The following VEPH1 variants were observed in gnomAD, a reference collection of about 807,000 sequenced individuals.
VEPH1 encodes ventricular zone expressed PH domain containing 1, also known as ventricular zone-expressed PH domain-containing protein homolog 1.
Under a neutral mutation model 85.2 loss-of-function variants are expected in VEPH1, and 80 were observed. The ratio of observed to expected loss-of-function variants is 0.94; its 90% CI spans 0.78 to 1.13. VEPH1 has a LOEUF of 1.13. Among genes scored for constraint, VEPH1 ranks in the 50% most tolerant of loss-of-function variants. The pLI is 0.00. For missense variants in VEPH1, 955 were observed against 980.5 expected (o/e 0.97, Z 0.35); for synonymous variants, 297 against 348.0 (o/e 0.85, Z 1.63).
intron 2 of VEPH1, among the ~76,000 whole-genome samples, chr3:157,483,795 A>G (rs1021677779): frequency 3.3e-5 from 5 of 152,180 alleles, no homozygotes; most frequent in Non-Finnish European, 7.4e-5. Context: ...CTTTTTTTGT[A>G]CTATTATGTT....
At chr3:157,487,706 T>C (rs1738779403) in intron 2 of VEPH1, among the ~76,000 whole-genome samples, 1 of 152,116 alleles carries the variant, frequency 6.6e-6, no homozygotes, top group Non-Finnish European at 1.5e-5. Context: ...TGCATTAAAA[T>C]AAACAACAAA....
chr3:157,298,608 TAAAG>T (rs958397858), intron 11 of VEPH1, among the ~76,000 whole-genome samples: 5 of 152,000 alleles, frequency 3.3e-5, no homozygotes, highest in Non-Finnish European at 7.4e-5. Flanking sequence ...TGAAAGACCA[TAAAG>T]AAAGGAGATT....
chr3:157,290,014 A>C (rs1323399767), intron 11 of VEPH1, among the ~76,000 whole-genome samples: 6 of 150,108 alleles, frequency 4.0e-5, no homozygotes, highest in African/African-American at 1.2e-4. Context: ...TAGGATATCA[A>C]TTCCGTTGTT....
intron 3 of VEPH1, among the ~76,000 whole-genome samples, chr3:157,467,296 G>A (rs974210944): frequency 6.6e-6 from 1 of 152,054 alleles, no homozygotes; most frequent in Non-Finnish European, 1.5e-5. Flanking sequence ...GATGGGATGG[G>A]TGGAGAGGCA....
intron 6 of VEPH1, among the ~76,000 whole-genome samples, chr3:157,410,762 C>T (rs1181649789): frequency 6.6e-6 from 1 of 152,038 alleles, no homozygotes; most frequent in Non-Finnish European, 1.5e-5. Flanking sequence ...TTAGACTGAT[C>T]CTAAATAAAA....
At chr3:157,496,978 T>A (rs1739718434) in intron 1 of VEPH1, among the ~76,000 whole-genome samples, 1 of 152,192 alleles carries the variant, frequency 6.6e-6, no homozygotes, top group African/African-American at 2.4e-5. Flanking sequence ...CATCTAATCC[T>A]CATAACTATA....
At chr3:157,296,410 C>A (rs539156832) in intron 11 of VEPH1, among the ~76,000 whole-genome samples, 9 of 152,136 alleles carry the variant, frequency 5.9e-5, no homozygotes, top group African/African-American at 2.2e-4. Flanking sequence ...AAAGGTTCTG[C>A]GTGTGTATGC....
At chr3:157,411,838 A>G (rs753596304) in intron 6 of VEPH1, among the ~76,000 whole-genome samples, 9 of 152,182 alleles carry the variant, frequency 5.9e-5, no homozygotes, top group Non-Finnish European at 1.2e-4. Flanking sequence ...TGAGAGTCAT[A>G]CAAGTGTCAC....
chr3:157,381,037 T>C, intron 7 of VEPH1, 119 bp downstream of exon 7: 1 of 971,024 alleles, frequency 1.0e-6, no homozygotes, highest in Non-Finnish European at 1.6e-6. Context: ...ATACAGATAT[T>C]ATTCTCTGTT....
chr3:157,309,602 A>AT (rs1719867752), intron 11 of VEPH1, among the ~76,000 whole-genome samples: 1 of 152,090 alleles, frequency 6.6e-6, no homozygotes, highest in Non-Finnish European at 1.5e-5. Flanking sequence ...ATTTTTAAAA[A>AT]TTTGAACTAT....
chr3:157,378,945 C>G (rs1728458629), intron 7 of VEPH1, among the ~76,000 whole-genome samples: 1 of 152,168 alleles, frequency 6.6e-6, no homozygotes, highest in Admixed American at 6.5e-5. Flanking sequence ...TTCTTAGGCT[C>G]TCATCATTTT....
intron 2 of VEPH1, among the ~76,000 whole-genome samples, chr3:157,475,845 C>T (rs763240476): frequency 6.6e-5 from 10 of 152,254 alleles, no homozygotes; most frequent in African/African-American, 2.4e-4. Flanking sequence ...TGCACCTGAT[C>T]GTTAATTTTG....
intron 12 of VEPH1, among the ~76,000 whole-genome samples, chr3:157,271,809 T>G (rs79383955): frequency 0.04 from 6,072 of 152,098 alleles, 155 homozygotes; most frequent in South Asian, 0.11. Flanking sequence ...ATATGTCAAA[T>G]TCAACAAAGT....
intron 3 of VEPH1, among the ~76,000 whole-genome samples, chr3:157,462,124 G>T (rs1735933137): frequency 6.7e-6 from 1 of 148,864 alleles, no homozygotes; most frequent in Admixed American, 6.7e-5. Flanking sequence ...CAATCCATAA[G>T]AAAAAGAAGA....
intron 2 of VEPH1, among the ~76,000 whole-genome samples, chr3:157,475,885 G>T (rs1234163019): frequency 2.6e-5 from 4 of 152,096 alleles, no homozygotes; most frequent in Admixed American, 1.3e-4. Flanking sequence ...TGGCTGAATG[G>T]CCAAGGGCCT....
At chr3:157,401,841 T>A (rs1282328581) in intron 6 of VEPH1, among the ~76,000 whole-genome samples, 1 of 151,846 alleles carries the variant, frequency 6.6e-6, no homozygotes, top group African/African-American at 2.4e-5. Context: ...TGGAAGCAAA[T>A]TTCAGTTAAT....
intron 4 of VEPH1, chr3:157,437,187 G>A: frequency 7.7e-7 from 1 of 1,306,282 alleles, no homozygotes; most frequent in Non-Finnish European, 1.1e-6. Context: ...TTATGCAAAA[G>A]TGAGAAGCAC....
intron 9 of VEPH1, among the ~76,000 whole-genome samples, chr3:157,341,209 A>G (rs943770098): frequency 2.6e-5 from 4 of 152,208 alleles, no homozygotes; most frequent in African/African-American, 9.6e-5. Flanking sequence ...AGAAGGCTTC[A>G]GATGATCAAA....
intron 4 of VEPH1, among the ~76,000 whole-genome samples, chr3:157,457,704 C>T (rs1397615493): frequency 6.6e-6 from 1 of 152,096 alleles, no homozygotes; most frequent in Non-Finnish European, 1.5e-5. Context: ...ACCTTGCATC[C>T]CAGGGATAAA....
Sources: gnomAD v4.1 joint callset for allele counts (sites outside exome capture counted in the v4.1 genomes callset) on GRCh38, gnomAD v4.1.1 for gene constraint, MANE v1.5 for transcripts, NCBI Gene and HGNC (gene_info 2026-07-23, HGNC 2026-07-21) for gene names.